OR52N5: variants seen among roughly 807,000 people sequenced by gnomAD.
OR52N5 encodes the protein olfactory receptor family 52 subfamily N member 5, also known as olfactory receptor 52N5.
In OR52N5, 10 loss-of-function variants were observed where a neutral mutation model predicts 14.1. That is an observed-to-expected ratio of 0.71 (90% CI 0.44 to 1.20). The LOEUF (loss-of-function observed/expected upper bound fraction) is 1.20, where lower values mean the gene tolerates loss of function less well. Ranked by LOEUF, OR52N5 falls within the 50% of genes most tolerant of loss-of-function variation. OR52N5 has a pLI of 0.00. For synonymous variants in OR52N5, 116 were observed against 143.0 expected (o/e 0.81, Z 1.35); for missense variants, 361 against 403.2 (o/e 0.90, Z 0.90).
chr11:5,781,064 G>T (rs1476790417), intron 2 of OR52N5, among the ~76,000 whole-genome samples: 4 of 140,184 alleles, frequency 2.9e-5, no homozygotes, highest in Non-Finnish European at 4.7e-5. Flanking sequence ...AAGGCTATTA[G>T]TGATTAACTC....
At position 5,778,592 on chromosome 11, in the gene OR52N5, C is replaced by A. The variant is rs776392451; in HGVS notation, c.43G>T (p.Val15Leu). ...NSLCWFPTIH[V>L]TPPSFILNGI... Reference sequence around the variant, plus strand: ...TTAAGAATAAAAGATGGAGGAGTCACATGAATTGTTGGAAACCAGCATAAT... The same window carrying A: ...TTAAGAATAAAAGATGGAGGAGTCAAATGAATTGTTGGAAACCAGCATAAT... Residue 15 changes from valine (V) to leucine (L), a missense_variant, in exon 3 of 3, where the codon GTG (valine) becomes TTG (leucine). Physicochemically the swap from Val to Leu is conservative, Grantham distance 32. Coordinates refer to ENST00000641181, the MANE Select transcript of OR52N5 (RefSeq NM_001385662.1). 1.3e-6 allele frequency: 2 copies of A among 1,484,318 alleles called. No individual in the cohort carries two copies. The highest frequency in any genetic ancestry group is 2.4e-5 in the South Asian group (2 of 82,298). 91.9% of individuals were successfully genotyped at this position (1,484,318 alleles called of 1,614,324 possible).
At chr11:5,779,090 G>A (rs1854528081) in intron 2 of OR52N5, among the ~76,000 whole-genome samples, 1 of 139,994 alleles carries the variant, frequency 7.1e-6, no homozygotes, top group Non-Finnish European at 1.6e-5. Flanking sequence ...TTAATGTTGT[G>A]TGCCAATACA....
At position 5,778,084 on chromosome 11, in the gene OR52N5, G is replaced by C; in HGVS notation, c.551C>G (p.Ser184Cys). 1 of 1,519,010 alleles carries C rather than the reference G, an allele frequency of 6.6e-7. No homozygotes were observed. The highest frequency in any genetic ancestry group is 1.2e-5 in the South Asian group (1 of 85,842). The allele number at this position is 1,519,010 out of a possible 1,614,324, so 94.1% of individuals were successfully genotyped here. A position where few individuals can be genotyped will look rare whatever the true frequency, so the allele number is the denominator to read the frequency against. Residue 184 changes from serine (S) to cysteine (C), a missense_variant, in exon 3 of 3, where the codon TCC becomes TGC. Ser to Cys is a moderately radical substitution (Grantham distance 112). Coordinates refer to ENST00000641181, the MANE Select transcript of OR52N5 (RefSeq NM_001385662.1). ...AGACATGTGGTCGCAGTACGTATGG[G>C]AGATAATATTGCTTTGGCAGAAAGG... The part of the protein sequence containing the change: ...RLPFCQSNII[S>C]HTYCDHMSVV...
At position 5,778,249 on chromosome 11, in the gene OR52N5, A is replaced by G; in HGVS notation, c.386T>C (p.Leu129Pro). Residue 129 changes from leucine (L) to proline (P), a missense_variant, in exon 3 of 3, where the codon CTA (leucine) becomes CCA (proline). Physicochemically the swap from Leu to Pro is moderately conservative, Grantham distance 98. Transcript: ENST00000641181. Reference sequence around the variant, plus strand: ...GTAGCAAATGGCTACATAGCGGTCTAGAGCCATGAGCATGAGCACCCCAGA... The same window carrying G: ...GTAGCAAATGGCTACATAGCGGTCTGGAGCCATGAGCATGAGCACCCCAGA... ...VESGVLMLMA[L>P]DRYVAICYPL... 4 of 1,520,996 alleles carry G rather than the reference A, an allele frequency of 2.6e-6. No individual in the cohort carries two copies. The highest frequency in any genetic ancestry group is 3.6e-6 in the Non-Finnish European group (4 of 1,114,520). 94.2% of individuals were successfully genotyped at this position (1,520,996 alleles called of 1,614,324 possible).
At chr11:5,779,862 G>A (rs1368755992) in intron 2 of OR52N5, among the ~76,000 whole-genome samples, 2 of 137,968 alleles carry the variant, frequency 1.4e-5, no homozygotes, top group Non-Finnish European at 3.2e-5. Context: ...ACCTCATCTT[G>A]GATATAATTC....
chr11:5,782,066 T>C (rs1202472363), intron 1 of OR52N5, among the ~76,000 whole-genome samples: 1 of 140,572 alleles, frequency 7.1e-6, no homozygotes, highest in Non-Finnish European at 1.6e-5. Context: ...TATGCTATTT[T>C]ATCTTTTCTG....
chr11:5,778,439 G>T lies in OR52N5; in HGVS notation c.196C>A (p.Pro66Thr), dbSNP rs2134225525. Residue 66 changes from proline to threonine, a missense_variant, in exon 3 of 3, where the codon CCG (proline) becomes ACG (threonine). Transcript: ENST00000641181. Reference protein sequence around the residue: ...LIYYEESLHHPMYFFFGHALS... With the variant: ...LIYYEESLHHTMYFFFGHALS... ...GCATGGCCAAAAAAAAAATACATCG[G>T]ATGATGTAAGGACTCCTCATAATAA... 2 of 1,512,184 alleles carry T rather than the reference G, an allele frequency of 1.3e-6. 1 individual carries two copies. The highest frequency in any genetic ancestry group is 2.9e-5 in the African/African-American group (2 of 69,658). 93.7% of individuals were successfully genotyped at this position (1,512,184 alleles called of 1,614,324 possible).
intron 1 of OR52N5, 82 bp from the exon 2 acceptor site, chr11:5,781,838 T>G (rs997198059): frequency 7.1e-6 from 1 of 141,042 alleles, no homozygotes; most frequent in Admixed American, 7.3e-5. Flanking sequence ...AGGAACTGCT[T>G]AGAAGTTAGG....
At position 5,779,648 on chromosome 11, in the gene OR52N5, T is replaced by C. The variant is rs1018935006; in HGVS notation, c.-23-991A>G. Among the ~76,000 whole-genome samples the C allele has an allele frequency of 5.0e-5, 7 of 139,536 alleles. 1 individual carries two copies. Among genetic ancestry groups the C allele is most frequent in the East Asian group, 4.1e-4 (2 of 4,820 alleles). The allele number at this position is 139,536 out of a possible 152,430, so 91.5% of individuals were successfully genotyped here. ...AATAAGTTATGCCACAGCTGTTGAG[T>C]CCTTCTAAATGCATGACGACTATTT... On this transcript the variant is annotated intron_variant, in intron 2 of 2. Transcript: ENST00000641181.
chr11:5,778,727 T>A, intron 2 of OR52N5, 70 bp from the exon 3 acceptor site: 1 of 868,392 alleles, frequency 1.2e-6, no homozygotes, highest in African/African-American at 1.8e-5. Flanking sequence ...AAATTTAGAA[T>A]AAAATTAAGT....
intron 2 of OR52N5, among the ~76,000 whole-genome samples, chr11:5,780,879 C>T (rs1314815791): frequency 7.2e-6 from 1 of 139,776 alleles, no homozygotes; most frequent in Non-Finnish European, 1.6e-5. Context: ...TATCTCATAC[C>T]ACATACAAAA....
chr11:5,777,914 C>G lies in OR52N5; in HGVS notation c.721G>C (p.Asp241His), dbSNP rs147846695. Residue 241 changes from aspartate to histidine, a missense_variant, in exon 3 of 3, where the codon GAT (aspartate) becomes CAT (histidine). By Grantham distance (81) the Asp-to-His change is moderately conservative. Transcript: ENST00000641181. ...GTGCTGAAAGCCTTCTGCCGAGCAT[C>G]TGATGAAGAGAGGCTGATCGCTGCC... is the stretch of plus-strand genomic sequence containing the variant. ...LKAAISLSSS[D>H]ARQKAFSTCT... The G allele has an allele frequency of 2.0e-6, 3 of 1,521,572 alleles. 1 individual carries two copies. The highest frequency in any genetic ancestry group is 2.7e-6 in the Non-Finnish European group (3 of 1,114,854). The allele number at this position is 1,521,572 out of a possible 1,614,324, so 94.3% of individuals were successfully genotyped here.
intron 2 of OR52N5, among the ~76,000 whole-genome samples, chr11:5,779,663 GA>G (rs1854533371): frequency 7.2e-6 from 1 of 139,438 alleles, no homozygotes. Context: ...CTAAATGCAT[GA>G]CGACTATTTT....
Position 5,778,293 on chromosome 11 carries a change from A to C in OR52N5, c.342T>G (p.His114Gln), listed in dbSNP as rs1564963547. Residue 114 changes from histidine to glutamine, a missense_variant, in exon 3 of 3, where the codon CAT becomes CAG. Physicochemically the swap from His to Gln is conservative, Grantham distance 24 (BLOSUM62 0). Coordinates refer to ENST00000641181, the MANE Select transcript of OR52N5 (RefSeq NM_001385662.1). Reference protein sequence around the residue: ...NACLAQMFFVHGFTGVESGVL... With the variant: ...NACLAQMFFVQGFTGVESGVL... ...CCCCAGACTCCACACCTGTGAACCC[A>C]TGAACAAAGAACATCTGGGCCAAGC... 5 of 1,521,324 alleles carry C rather than the reference A, an allele frequency of 3.3e-6. 1 individual carries two copies. Among genetic ancestry groups the C allele is most frequent in the African/African-American group, 1.4e-5 (1 of 69,946 alleles). 94.2% of individuals were successfully genotyped at this position (1,521,324 alleles called of 1,614,324 possible).
At position 5,778,466 on chromosome 11, in the gene OR52N5, T is replaced by C; in HGVS notation, c.169A>G (p.Ile57Val). 6.6e-7 allele frequency: 1 copy of C among 1,516,144 alleles called. No homozygotes were observed. The highest frequency in any genetic ancestry group is 9.0e-7 in the Non-Finnish European group (1 of 1,110,942). 93.9% of individuals were successfully genotyped at this position (1,516,144 alleles called of 1,614,324 possible). A position where few individuals can be genotyped will look rare whatever the true frequency, so the allele number is the denominator to read the frequency against. ...TGATGTAAGGACTCCTCATAATAAA[T>C]GAGGTACACAAGACCAAGATTCCCC... ...LVGNLGLVYL[I>V]YYEESLHHPM... The change falls in exon 3 of 3, where the codon ATT becomes GTT. Residue 57 changes from isoleucine (I) to valine (V), a missense_variant. Ile to Val is a conservative substitution (Grantham distance 29). Transcript: ENST00000641181.
At chr11:5,778,879 T>A (rs1262793800) in intron 2 of OR52N5, among the ~76,000 whole-genome samples, 1 of 140,212 alleles carries the variant, frequency 7.1e-6, no homozygotes, top group Non-Finnish European at 1.6e-5. Context: ...AGTTGTATTT[T>A]TTTTACCACA....
In OR52N5 at chr11:5,778,131, G is replaced by T. The variant is rs1201967978; in HGVS notation, c.504C>A (p.Phe168Leu). The T allele has an allele frequency of 6.6e-7, 1 of 1,521,282 alleles. No homozygotes were observed. Among genetic ancestry groups the T allele is most frequent in the Admixed American group, 1.8e-5 (1 of 55,578 alleles). The allele number at this position is 1,521,282 out of a possible 1,614,324, so 94.2% of individuals were successfully genotyped here. Residue 168 changes from phenylalanine to leucine, a missense_variant, in exon 3 of 3, where the codon TTC (phenylalanine) becomes TTA (leucine). Phe to Leu is a conservative substitution (Grantham distance 22). Transcript: ENST00000641181. ...FLRGVLLMIP[F>L]PFLVKRLPFC... is the part of the protein sequence containing the mutation. ...AAGGCAAACGCTTAACCAAGAATGG[G>T]AAAGGAATCATCAGCAATACACCCC...
At chr11:5,781,903 C>T (rs1854550886) in intron 1 of OR52N5, 147 bp from the exon 2 acceptor site, 1 of 140,222 alleles carries the variant, frequency 7.1e-6, no homozygotes, top group Non-Finnish European at 1.6e-5. Context: ...CTATACTTCT[C>T]TAGTGATGGC....
intron 2 of OR52N5, among the ~76,000 whole-genome samples, chr11:5,779,190 A>AT (rs1854528977): frequency 7.1e-6 from 1 of 140,256 alleles, no homozygotes; most frequent in Admixed American, 7.4e-5. Context: ...GATAAGCTTT[A>AT]TGTCACTCTC....
Sources: allele counts gnomAD v4.1 joint callset (sites outside exome capture counted in the v4.1 genomes callset), GRCh38; gene constraint gnomAD v4.1.1; transcripts MANE v1.5; gene names NCBI Gene and HGNC (gene_info 2026-07-23, HGNC 2026-07-21).